ST6GALNAC3: variants seen among roughly 807,000 people sequenced by gnomAD.
The protein encoded by ST6GALNAC3 is ST6 N-acetylgalactosaminide alpha-2,6-sialyltransferase 3.
In ST6GALNAC3, 25 loss-of-function variants were observed where a neutral mutation model predicts 32.7. The observed-to-expected ratio is 0.76, with a 90% CI of 0.56 to 1.07. ST6GALNAC3 has a LOEUF of 1.07. Ranked by LOEUF, ST6GALNAC3 falls within the 50% of genes least tolerant of loss-of-function variation. The pLI is 0.00. For missense variants in ST6GALNAC3, 355 were observed against 382.4 expected (o/e 0.93, Z 0.60); for synonymous variants, 129 against 133.1 (o/e 0.97, Z 0.21).
At chr1:76,308,295 G>A (rs917412022) in intron 1 of ST6GALNAC3, among the ~76,000 whole-genome samples, 4 of 152,000 alleles carry the variant, frequency 2.6e-5, no homozygotes, top group African/African-American at 7.2e-5. Context: ...TTTGTTTCTC[G>A]AGAGCTCATT....
rs560168812 is a variant in ST6GALNAC3 at position 76,274,743 on chromosome 1, A to AG, written c.19-39056dup. Reference sequence around the variant, plus strand: ...TAGGTATTTTAAAGAGATAGGGTGGAGGGGGGTGCTTTTCCAGGGTACTCT... The same window carrying AG: ...TAGGTATTTTAAAGAGATAGGGTGGAGGGGGGGTGCTTTTCCAGGGTACTCT... On this transcript the variant is annotated intron_variant, in intron 1 of 4. Transcript: ENST00000328299. 6.9e-3 allele frequency among the ~76,000 whole-genome samples: 1,048 copies of AG among 152,248 alleles called. 6 individuals are homozygous for AG. The highest frequency in any genetic ancestry group is 0.01 in the Middle Eastern group (3 of 294).
At chr1:76,455,070 C>T (rs1053982908) in intron 3 of ST6GALNAC3, among the ~76,000 whole-genome samples, 1 of 151,852 alleles carries the variant, frequency 6.6e-6, no homozygotes, top group Non-Finnish European at 1.5e-5. Context: ...ATATATCTTC[C>T]AATTATTTGA....
At position 76,450,342 on chromosome 1, in the gene ST6GALNAC3, T is replaced by A. The variant is rs186144238; in HGVS notation, c.623+37925T>A. 6.5e-3 allele frequency among the ~76,000 whole-genome samples: 988 copies of A among 152,326 alleles called. 13 individuals are homozygous for A. The highest frequency in any genetic ancestry group is 0.019 in the South Asian group (92 of 4,830). ...ATTTCTCTGATCATTAGTGATTTTT[T>A]AAAATATGTTTGATGTCCATTTGCA... On this transcript the variant is annotated intron_variant, in intron 3 of 4. Transcript: ENST00000328299.
intron 2 of ST6GALNAC3, among the ~76,000 whole-genome samples, chr1:76,316,629 G>A (rs181176633): frequency 1.3e-5 from 2 of 152,160 alleles, no homozygotes; most frequent in East Asian, 1.9e-4. Flanking sequence ...AGGGGGTCTA[G>A]CGGTTACCTC....
intron 1 of ST6GALNAC3, among the ~76,000 whole-genome samples, chr1:76,284,745 A>C (rs1279025335): frequency 2.0e-5 from 3 of 152,134 alleles, no homozygotes; most frequent in East Asian, 3.9e-4. Context: ...GTTTGGAGGC[A>C]AACTATTGTT....
Position 76,137,572 on chromosome 1 carries a change from C to T in ST6GALNAC3, c.18+62688C>T, listed in dbSNP as rs533121425. Among the ~76,000 whole-genome samples, 3 of 152,266 alleles carry T rather than the reference C, an allele frequency of 2.0e-5. No homozygotes were observed. In the South Asian group the frequency reaches 6.2e-4, roughly 32 times the overall value. On this transcript the variant is annotated intron_variant, in intron 1 of 4. Coordinates refer to ENST00000328299, the MANE Select transcript of ST6GALNAC3 (RefSeq NM_152996.4). Reference sequence around the variant, plus strand: ...AGTAGGGAATCTTCCTCCCACCTACCGTCATGAACTCCAAGGAGATTATGA... The same window carrying T: ...AGTAGGGAATCTTCCTCCCACCTACTGTCATGAACTCCAAGGAGATTATGA...
chr1:76,280,544 A>G (rs765636035), intron 1 of ST6GALNAC3, among the ~76,000 whole-genome samples: 14 of 152,180 alleles, frequency 9.2e-5, no homozygotes, highest in Non-Finnish European at 1.6e-4. Flanking sequence ...ACACATACCT[A>G]TTGCTGCCAC....
chr1:76,365,845 T>G (rs1189999730), intron 2 of ST6GALNAC3, among the ~76,000 whole-genome samples: 1 of 152,216 alleles, frequency 6.6e-6, no homozygotes, highest in Non-Finnish European at 1.5e-5. Context: ...TTATAGTTTT[T>G]GTGTCAACCG....
intron 3 of ST6GALNAC3, among the ~76,000 whole-genome samples, chr1:76,579,514 A>C (rs925765115): frequency 3.9e-5 from 6 of 152,122 alleles, no homozygotes; most frequent in African/African-American, 1.4e-4. Context: ...CTAATGCATC[A>C]TACATTTTTT....
chr1:76,576,998 T>A (rs1646820925), intron 3 of ST6GALNAC3: 1 of 1,229,312 alleles, frequency 8.1e-7, no homozygotes, highest in South Asian at 1.5e-5. Context: ...AATACCCATG[T>A]CAGTGGTTCA....
intron 1 of ST6GALNAC3, among the ~76,000 whole-genome samples, chr1:76,132,343 C>G (rs1046216859): frequency 6.6e-6 from 1 of 152,110 alleles, no homozygotes; most frequent in African/African-American, 2.4e-5. Context: ...TGCCTTCCCT[C>G]CAGTGGGGAG....
At chr1:76,282,154 C>G (rs1659533932) in intron 1 of ST6GALNAC3, among the ~76,000 whole-genome samples, 1 of 151,314 alleles carries the variant, frequency 6.6e-6, no homozygotes, top group Admixed American at 6.6e-5. Context: ...CTGAAGAGTT[C>G]TGGTTTCACT....
chr1:76,098,147 T>C (rs541241172), intron 1 of ST6GALNAC3, among the ~76,000 whole-genome samples: 45 of 152,308 alleles, frequency 3.0e-4, no homozygotes, highest in African/African-American at 1.0e-3. Flanking sequence ...AGGCAATAAT[T>C]TGTTGCATTT....
rs530653292 is a variant in ST6GALNAC3, at chr1:76,463,619, TG to T, written c.623+51206del. ...TCTGAGCTAGCCAATTGTTGTACCC[TG>T]GGGTTATAAAAAATGAATGAGATTC... On this transcript the variant is annotated intron_variant, in intron 3 of 4. Transcript: ENST00000328299. Among the ~76,000 whole-genome samples, 8 of 152,296 alleles carry T rather than the reference TG, an allele frequency of 5.3e-5. No homozygotes were observed. The East Asian group carries it at 1.5e-3, about 29-fold the overall frequency.
At chr1:76,377,698 AC>A (rs1651350615) in intron 2 of ST6GALNAC3, among the ~76,000 whole-genome samples, 2 of 152,086 alleles carry the variant, frequency 1.3e-5, no homozygotes, top group Admixed American at 1.3e-4. Context: ...ACTGCTTACC[AC>A]CTGGTAGACC....
At chr1:76,547,627 A>C (rs1664376480) in intron 3 of ST6GALNAC3, among the ~76,000 whole-genome samples, 1 of 151,900 alleles carries the variant, frequency 6.6e-6, no homozygotes, top group African/African-American at 2.4e-5. Flanking sequence ...GGCGGAGGGG[A>C]GTGGATCACA....
intron 2 of ST6GALNAC3, among the ~76,000 whole-genome samples, chr1:76,397,104 G>A (rs1452929731): frequency 2.6e-5 from 4 of 151,742 alleles, no homozygotes; most frequent in African/African-American, 7.3e-5. Flanking sequence ...AACGAGAAAG[G>A]GATTTCAAAC....
intron 1 of ST6GALNAC3, among the ~76,000 whole-genome samples, chr1:76,295,851 C>T (rs935714289): frequency 3.3e-5 from 5 of 151,950 alleles, no homozygotes; most frequent in East Asian, 1.9e-4. Context: ...GCTTCCTGTC[C>T]GTGATGATAA....
At chr1:76,535,449 G>C (rs1663536311) in intron 3 of ST6GALNAC3, among the ~76,000 whole-genome samples, 1 of 151,994 alleles carries the variant, frequency 6.6e-6, no homozygotes, top group African/African-American at 2.4e-5. Flanking sequence ...TTTTTCCCCA[G>C]GTAATGGACA....
Sources: gnomAD v4.1 joint callset for allele counts (sites outside exome capture counted in the v4.1 genomes callset) on GRCh38, gnomAD v4.1.1 for gene constraint, MANE v1.5 for transcripts, NCBI Gene and HGNC (gene_info 2026-07-23, HGNC 2026-07-21) for gene names.